Variants in NRXN3 observed in about 807,000 individuals in gnomAD.
The protein encoded by NRXN3 is neurexin 3, also known as neurexin III.
A neutral mutation model predicts 137.6 loss-of-function variants in NRXN3; 32 were observed. The observed-to-expected ratio is 0.23, with a 90% CI of 0.18 to 0.31. The LOEUF (loss-of-function observed/expected upper bound fraction) is 0.31. Among genes scored for constraint, NRXN3 ranks in the 10% least tolerant of loss-of-function variants. NRXN3 has a pLI of 1.00. For missense variants in NRXN3, 1,574 were observed against 2,062.5 expected (o/e 0.76, Z 4.59); for synonymous variants, 798 against 784.5 (o/e 1.02, Z -0.29).
intron 4 of NRXN3, among the ~76,000 whole-genome samples, chr14:78,624,042 C>T (rs140091275): frequency 1.3e-5 from 2 of 152,302 alleles, no homozygotes; most frequent in African/African-American, 4.8e-5. Context: ...AACATGATGA[C>T]TTGATTAGCG....
rs897103576 is a variant in NRXN3, at chr14:79,865,250, T to C, written c.*3286T>C. The C allele has an allele frequency of 6.6e-6, 1 of 152,196 alleles. No homozygotes were observed. The highest frequency in any genetic ancestry group is 1.5e-5 in the Non-Finnish European group (1 of 68,036). 9.4% of individuals were successfully genotyped at this position (152,196 alleles called of 1,614,324 possible). A position where few individuals can be genotyped will look rare whatever the true frequency, so the allele number is the denominator to read the frequency against. ...CCAAAACCAAAATTTAAATGAGTTC[T>C]TCAATTTTAACAGCTTCTTACAAGA... is the stretch of plus-strand genomic sequence containing the variant. On this transcript the variant is annotated 3_prime_UTR_variant, in exon 21 of 21. Coordinates refer to ENST00000335750, the MANE Select transcript of NRXN3 (RefSeq NM_001330195.2).
At chr14:79,454,599 CA>C (rs760044878) in intron 15 of NRXN3, among the ~76,000 whole-genome samples, 8 of 152,152 alleles carry the variant, frequency 5.3e-5, no homozygotes, top group Non-Finnish European at 1.0e-4. Flanking sequence ...TTCCTAGTAA[CA>C]AATTCTAAAA....
At chr14:79,324,584 A>G (rs939997954) in intron 15 of NRXN3, among the ~76,000 whole-genome samples, 6 of 152,200 alleles carry the variant, frequency 3.9e-5, no homozygotes, top group Non-Finnish European at 7.3e-5. Flanking sequence ...GAGATGAATT[A>G]GGAGAGTATG....
chr14:78,837,911 G>A (rs529795859), intron 10 of NRXN3, among the ~76,000 whole-genome samples: 1 of 152,068 alleles, frequency 6.6e-6, no homozygotes, highest in Non-Finnish European at 1.5e-5. Context: ...TTGATCTCTT[G>A]GAACCTCAGC....
chr14:78,848,939 C>T (rs8005448), intron 10 of NRXN3, among the ~76,000 whole-genome samples: 5,774 of 151,902 alleles, frequency 0.038, 365 homozygotes, highest in African/African-American at 0.13. Context: ...ATAGGGGCCA[C>T]GGGAGCAGGA....
At chr14:78,786,513 A>G (rs1451910913) in intron 8 of NRXN3, among the ~76,000 whole-genome samples, 1 of 152,068 alleles carries the variant, frequency 6.6e-6, no homozygotes, top group East Asian at 1.9e-4. Context: ...CTCTTTATTA[A>G]TTCTCTTTTT....
intron 4 of NRXN3, among the ~76,000 whole-genome samples, chr14:78,443,218 G>T (rs2094314195): frequency 6.6e-6 from 1 of 152,240 alleles, no homozygotes; most frequent in South Asian, 2.1e-4. Context: ...CTCAAACTCA[G>T]CAGGGTTTGG....
chr14:78,215,773 G>GT (rs386381902), intron 1 of NRXN3, among the ~76,000 whole-genome samples: 1 of 134,672 alleles, frequency 7.4e-6, no homozygotes, highest in Admixed American at 7.5e-5. Flanking sequence ...CAGGGGGGTG[G>GT]GGGGGGCAGG....
intron 4 of NRXN3, among the ~76,000 whole-genome samples, chr14:78,382,185 G>C (rs1456886822): frequency 6.6e-6 from 1 of 152,196 alleles, no homozygotes; most frequent in South Asian, 2.1e-4. Flanking sequence ...CAGCCAATCA[G>C]AACATGTGTT....
chr14:78,496,991 G>A (rs1367463702), intron 4 of NRXN3, among the ~76,000 whole-genome samples: 2 of 152,038 alleles, frequency 1.3e-5, no homozygotes, highest in Non-Finnish European at 2.9e-5. Context: ...CCTCTGTAAT[G>A]TACCAAGAAC....
At chr14:78,747,310 G>A (rs72685435) in intron 8 of NRXN3, among the ~76,000 whole-genome samples, 9,981 of 152,174 alleles carry the variant, frequency 0.066, 475 homozygotes, top group Non-Finnish European at 0.11. Context: ...TACTTCTTAC[G>A]AAGATGAAAT....
At chr14:79,457,708 T>G (rs986576330) in intron 15 of NRXN3, among the ~76,000 whole-genome samples, 1 of 152,194 alleles carries the variant, frequency 6.6e-6, no homozygotes, top group Non-Finnish European at 1.5e-5. Flanking sequence ...AGTATGAGGA[T>G]CATATAAATC....
intron 15 of NRXN3, among the ~76,000 whole-genome samples, chr14:79,295,033 G>A (rs141533098): frequency 1.8e-3 from 273 of 152,120 alleles, no homozygotes; most frequent in African/African-American, 5.7e-3. Flanking sequence ...TGATCATGCC[G>A]CTCTTCCATG....
At chr14:78,232,816 A>G (rs1438669747) in intron 1 of NRXN3, among the ~76,000 whole-genome samples, 1 of 152,186 alleles carries the variant, frequency 6.6e-6, no homozygotes. Flanking sequence ...TTTCCAAACC[A>G]TGGCTGGGAA....
chr14:79,389,765 G>T (rs547567430), intron 15 of NRXN3, among the ~76,000 whole-genome samples: 1 of 152,250 alleles, frequency 6.6e-6, no homozygotes, highest in South Asian at 2.1e-4. Context: ...GATCTCTGTA[G>T]CATGCTGAAT....
intron 15 of NRXN3, among the ~76,000 whole-genome samples, chr14:79,301,786 T>C (rs2085185532): frequency 6.6e-6 from 1 of 151,842 alleles, no homozygotes; most frequent in Admixed American, 6.6e-5. Context: ...GGCTCCTCAC[T>C]TGAAGTTTTG....
At chr14:79,520,181 C>T (rs1455276246) in intron 16 of NRXN3, among the ~76,000 whole-genome samples, 3 of 152,120 alleles carry the variant, frequency 2.0e-5, no homozygotes, top group Non-Finnish European at 4.4e-5. Context: ...ATACCACTTT[C>T]TCTGATTTTA....
intron 16 of NRXN3, among the ~76,000 whole-genome samples, chr14:79,483,654 T>C (rs530782506): frequency 6.6e-6 from 1 of 152,152 alleles, no homozygotes; most frequent in South Asian, 2.1e-4. Context: ...AAGGATGTAT[T>C]TGTGTGGATG....
At chr14:79,281,308 T>C (rs2081242692) in intron 15 of NRXN3, among the ~76,000 whole-genome samples, 1 of 152,166 alleles carries the variant, frequency 6.6e-6, no homozygotes, top group Non-Finnish European at 1.5e-5. Flanking sequence ...GAGATGGGCT[T>C]GTTCACACAA....
Sources: allele counts gnomAD v4.1 joint callset (sites outside exome capture counted in the v4.1 genomes callset), GRCh38; gene constraint gnomAD v4.1.1; transcripts MANE v1.5; gene names NCBI Gene and HGNC (gene_info 2026-07-23, HGNC 2026-07-21).